SLC24A3: variants seen among roughly 807,000 people sequenced by gnomAD.
The protein encoded by SLC24A3 is solute carrier family 24 member 3.
SLC24A3 carries 28 observed loss-of-function variants against 75.8 expected under a neutral mutation model. The observed-to-expected ratio is 0.37, with a 90% confidence interval of 0.27 to 0.51. The LOEUF is 0.51. SLC24A3 is among the 20% of genes least tolerant of loss of function. SLC24A3 has a pLI of 0.94. For missense variants in SLC24A3, 663 were observed against 847.8 expected (o/e 0.78, Z 2.71); for synonymous variants, 372 against 334.1 (o/e 1.11, Z -1.24).
chr20:19,647,176 A>G (rs1442853869), intron 6 of SLC24A3, among the ~76,000 whole-genome samples: 1 of 151,952 alleles, frequency 6.6e-6, no homozygotes, highest in African/African-American at 2.4e-5. Flanking sequence ...TTCCATCCAC[A>G]TGGTCCCCCA....
intron 6 of SLC24A3, among the ~76,000 whole-genome samples, chr20:19,616,772 T>C (rs1285230731): frequency 6.6e-6 from 1 of 152,102 alleles, no homozygotes; most frequent in East Asian, 1.9e-4. Context: ...CCACCTCTCA[T>C]TCCCCTTCTG....
chr20:19,359,594 C>A (rs991417656), intron 2 of SLC24A3, among the ~76,000 whole-genome samples: 1 of 152,218 alleles, frequency 6.6e-6, no homozygotes, highest in African/African-American at 2.4e-5. Flanking sequence ...AGATTTCTAT[C>A]CTCCCAGTGA....
intron 2 of SLC24A3, among the ~76,000 whole-genome samples, chr20:19,299,420 C>T (rs1224208436): frequency 6.6e-6 from 1 of 152,082 alleles, no homozygotes; most frequent in Non-Finnish European, 1.5e-5. Context: ...CCTCATTCAT[C>T]TTTTACTGCC....
intron 1 of SLC24A3, among the ~76,000 whole-genome samples, chr20:19,222,783 C>CCCTTCCTCCCTTCCTTCCTTCCTT (rs1981756575): frequency 1.3e-5 from 1 of 75,804 alleles, no homozygotes; most frequent in Admixed American, 1.7e-4. Context: ...TCCCCTCCCT[C>CCCTTCCTCCCTTCCTTCCTTCCTT]CCTTCCTTCC....
At chr20:19,481,820 C>A (rs955853119) in intron 2 of SLC24A3, among the ~76,000 whole-genome samples, 9 of 152,156 alleles carry the variant, frequency 5.9e-5, no homozygotes, top group African/African-American at 1.9e-4. Context: ...GATTTCCCCT[C>A]TTTGGCCCCT....
intron 3 of SLC24A3, among the ~76,000 whole-genome samples, chr20:19,560,209 T>A (rs1018099293): frequency 2.0e-5 from 3 of 152,128 alleles, no homozygotes; most frequent in Non-Finnish European, 4.4e-5. Flanking sequence ...AAAGAGCTGA[T>A]AACACTGAGG....
chr20:19,511,699 G>A (rs1218626496), intron 2 of SLC24A3, among the ~76,000 whole-genome samples: 1 of 152,104 alleles, frequency 6.6e-6, no homozygotes, highest in Non-Finnish European at 1.5e-5. Flanking sequence ...ATATCTAAAA[G>A]GGAAAATAAA....
At chr20:19,717,929 G>A (rs941803129) in intron 16 of SLC24A3, among the ~76,000 whole-genome samples, 3 of 152,162 alleles carry the variant, frequency 2.0e-5, no homozygotes, top group South Asian at 2.1e-4. Context: ...GTTCCCATAC[G>A]AATCCATGAA....
chr20:19,463,001 T>G (rs1987703683), intron 2 of SLC24A3, among the ~76,000 whole-genome samples: 1 of 152,154 alleles, frequency 6.6e-6, no homozygotes. Context: ...CCACCTCCTA[T>G]CTCTTCACTG....
At chr20:19,491,425 CA>C (rs1292346029) in intron 2 of SLC24A3, among the ~76,000 whole-genome samples, 6 of 152,228 alleles carry the variant, frequency 3.9e-5, no homozygotes. Context: ...GTTGGTTGAA[CA>C]GAAGTGTCAT....
Position 19,711,401 on chromosome 20 carries a change from A to G in SLC24A3, c.1720-6127A>G, listed in dbSNP as rs527494076. On this transcript the variant is annotated intron_variant, in intron 15 of 16. Transcript: ENST00000328041. ...AAACGCACACATATCCACACATGCA[A>G]ACACACAGGCAAATGCACACACACA... Among the ~76,000 whole-genome samples, 636 of 151,280 alleles carry G rather than the reference A, an allele frequency of 4.2e-3. 7 individuals are homozygous for G. The highest frequency in any genetic ancestry group is 0.014 in the African/African-American group (594 of 41,202).
At chr20:19,466,758 A>G (rs1987772719) in intron 2 of SLC24A3, among the ~76,000 whole-genome samples, 1 of 149,222 alleles carries the variant, frequency 6.7e-6, no homozygotes, top group African/African-American at 2.6e-5. Flanking sequence ...ACCGGTGTCT[A>G]TTTAAAGCAC....
At chr20:19,392,925 G>C (rs113856700) in intron 2 of SLC24A3, among the ~76,000 whole-genome samples, 1 of 152,064 alleles carries the variant, frequency 6.6e-6, no homozygotes. Context: ...CAGTCAAAAG[G>C]GGAAAGATCC....
At chr20:19,238,174 A>AC (rs200407361) in intron 1 of SLC24A3, among the ~76,000 whole-genome samples, 2 of 152,030 alleles carry the variant, frequency 1.3e-5, no homozygotes, top group East Asian at 1.9e-4. Context: ...CTTCCGAGTC[A>AC]CCCCCCACAA....
intron 1 of SLC24A3, among the ~76,000 whole-genome samples, chr20:19,228,582 T>C (rs1981932002): frequency 6.6e-6 from 1 of 151,948 alleles, no homozygotes; most frequent in Non-Finnish European, 1.5e-5. Context: ...GAGGCGGAGC[T>C]TGCAGTGAGC....
At chr20:19,601,471 G>A (rs774416680) in intron 6 of SLC24A3, among the ~76,000 whole-genome samples, 37 of 152,190 alleles carry the variant, frequency 2.4e-4, no homozygotes, top group Non-Finnish European at 3.7e-4. Context: ...CTATGTATCT[G>A]CGTCATCCCT....
chr20:19,292,436 A>G (rs1027999138), intron 2 of SLC24A3, among the ~76,000 whole-genome samples: 2 of 152,228 alleles, frequency 1.3e-5, no homozygotes, highest in African/African-American at 4.8e-5. Flanking sequence ...GAAAGTAAAA[A>G]TAGTCTTAGT....
intron 2 of SLC24A3, among the ~76,000 whole-genome samples, chr20:19,497,423 T>C (rs1988308579): frequency 6.6e-6 from 1 of 152,176 alleles, no homozygotes; most frequent in African/African-American, 2.4e-5. Flanking sequence ...AGCCCAAGGC[T>C]TAGTAAAAGG....
intron 2 of SLC24A3, among the ~76,000 whole-genome samples, chr20:19,503,611 A>T (rs551141251): frequency 1.3e-5 from 2 of 152,380 alleles, no homozygotes; most frequent in Admixed American, 1.3e-4. Context: ...TGCAGTCAAC[A>T]TCTGCATTTT....
Sources: allele counts gnomAD v4.1 joint callset (sites outside exome capture counted in the v4.1 genomes callset), GRCh38; gene constraint gnomAD v4.1.1; transcripts MANE v1.5; gene names NCBI Gene and HGNC (gene_info 2026-07-23, HGNC 2026-07-21).